The following LYPD2 variants were observed in gnomAD, a reference collection of about 807,000 sequenced individuals.
LYPD2 encodes LY6/PLAUR domain containing 2.
Under a neutral mutation model 7.1 loss-of-function variants are expected in LYPD2, and 5 were observed. The observed-to-expected ratio is 0.70, with a 90% confidence interval of 0.37 to 1.48. The LOEUF (loss-of-function observed/expected upper bound fraction) is 1.48, where lower values mean the gene tolerates loss of function less well. Ranked by LOEUF, LYPD2 falls within the 40% of genes most tolerant of loss-of-function variation. The pLI is 0.03. For missense variants in LYPD2, 177 were observed against 171.0 expected (o/e 1.04, Z -0.20); for synonymous variants, 78 against 82.0 (o/e 0.95, Z 0.26).
intron 2 of LYPD2, 49 bp downstream of exon 2, chr8:142,751,002 G>T: frequency 1.2e-6 from 2 of 1,612,510 alleles, no homozygotes; most frequent in Non-Finnish European, 1.7e-6. Context: ...TGGGCTGGAG[G>T]TGGCTCTGAC....
intron 1 of LYPD2, 38 bp downstream of exon 1, chr8:142,752,356 C>A: frequency 6.2e-7 from 1 of 1,612,124 alleles, no homozygotes; most frequent in South Asian, 1.1e-5. Flanking sequence ...GGTGGCATCT[C>A]CCTCCGTCCC....
chr8:142,752,054 G>A (rs1382254639), intron 1 of LYPD2, among the ~76,000 whole-genome samples: 1 of 151,996 alleles, frequency 6.6e-6, no homozygotes, highest in Non-Finnish European at 1.5e-5. Context: ...AGCCTCCCTG[G>A]GGTTGCCTTC....
In LYPD2 at chr8:142,750,484, T is replaced by C. The variant is rs1233522296; in HGVS notation, c.179-2A>G. Reference sequence around the variant, plus strand: ...TGGAGTCCCCCTGGAAGGGGTACACTGTGGGGTGTGGGAAGAGTCAGCCGT... The same window carrying C: ...TGGAGTCCCCCTGGAAGGGGTACACCGTGGGGTGTGGGAAGAGTCAGCCGT... On this transcript the variant is annotated splice_acceptor_variant, in intron 2 of 2. Transcript: ENST00000359228. LOFTEE classifies it high-confidence loss of function. 3 of 1,574,540 alleles carry C rather than the reference T, an allele frequency of 1.9e-6. No individual in the cohort carries two copies. The highest frequency in any genetic ancestry group is 2.6e-6 in the Non-Finnish European group (3 of 1,159,816).
At chr8:142,750,586 C>A in intron 2 of LYPD2, 104 bp from the exon 3 acceptor site, 2 of 1,124,194 alleles carry the variant, frequency 1.8e-6, no homozygotes, top group Non-Finnish European at 2.6e-6. Flanking sequence ...GGTCACCCAC[C>A]CGGGTCTCCG....
intron 2 of LYPD2, 49 bp from the exon 3 acceptor site, chr8:142,750,531 A>C (rs752022612): frequency 6.5e-7 from 1 of 1,533,786 alleles, no homozygotes; most frequent in South Asian, 1.2e-5. Flanking sequence ...ACTGCCTCCA[A>C]GCCCTGGTCC....
chr8:142,751,208 C>T, intron 1 of LYPD2, 38 bp from the exon 2 acceptor site: 1 of 1,609,682 alleles, frequency 6.2e-7, no homozygotes, highest in South Asian at 1.1e-5. Context: ...GCAGGCTCCA[C>T]CCCTCCCAAG....
In LYPD2 at chr8:142,751,319, G is replaced by T. The variant is rs1490301082; in HGVS notation, c.59-149C>A. 7.0e-6 allele frequency: 8 copies of T among 1,137,436 alleles called. No homozygotes were observed. In the East Asian group the frequency reaches 1.8e-4, roughly 26 times the overall value. 70.5% of individuals were successfully genotyped at this position (1,137,436 alleles called of 1,614,324 possible). ...CCAAAACTCAGGAGCAATGCCAGGA[G>T]CCTGCAGCTGGGGACAGGCCGGGCT... On this transcript the variant is annotated intron_variant, in intron 1 of 2. Coordinates refer to ENST00000359228, the MANE Select transcript of LYPD2 (RefSeq NM_205545.3).
chr8:142,750,408 T>A lies in LYPD2; in HGVS notation c.253A>T (p.Ile85Phe). Residue 85 changes from isoleucine to phenylalanine, a missense_variant, in exon 3 of 3, where the codon ATC becomes TTC. Ile to Phe is a conservative substitution (Grantham distance 21). Transcript: ENST00000359228. Reference protein sequence around the residue: ...SKCKPSDVDGIGQTLPVSCCN... With the variant: ...SKCKPSDVDGFGQTLPVSCCN... The stretch of plus-strand genomic sequence containing the variant: ...CAGGACACGGGCAGGGTCTGGCCGA[T>A]GCCATCCACATCCGAGGGCTTACAC... 6.3e-7 allele frequency: 1 copy of A among 1,585,218 alleles called. No homozygotes were observed. Among genetic ancestry groups the A allele is most frequent in the African/African-American group, 1.3e-5 (1 of 74,460 alleles).
Position 142,750,370 on chromosome 8 carries a change from C to T in LYPD2, c.291G>A (p.Glu97=), listed in dbSNP as rs1291391435. ...QTLPVSCCNT[E]LCNVDGAPAL... is the part of the protein sequence containing the mutation. Reference sequence around the variant, plus strand: ...CGGGCGCCCCGTCTACATTGCACAGCTCAGTATTGCAGCAGGACACGGGCA... The same window carrying T: ...CGGGCGCCCCGTCTACATTGCACAGTTCAGTATTGCAGCAGGACACGGGCA... The change falls in exon 3 of 3, where the codon GAG becomes GAA. Residue 97 remains glutamate (E), a synonymous_variant. Transcript: ENST00000359228. 6.4e-7 allele frequency: 1 copy of T among 1,567,542 alleles called. No individual in the cohort carries two copies. Among genetic ancestry groups the T allele is most frequent in the African/African-American group, 1.4e-5 (1 of 73,794 alleles).
At position 142,750,558 on chromosome 8, in the gene LYPD2, A is replaced by T. The variant is rs1268411697; in HGVS notation, c.179-76T>A. 10 of 1,422,108 alleles carry T rather than the reference A, an allele frequency of 7.0e-6. 1 individual carries two copies. In the Admixed American group the frequency reaches 2.0e-4, roughly 28 times the overall value. The allele number at this position is 1,422,108 out of a possible 1,614,324, so 88.1% of individuals were successfully genotyped here. On this transcript the variant is annotated intron_variant, in intron 2 of 2. Coordinates refer to ENST00000359228, the MANE Select transcript of LYPD2 (RefSeq NM_205545.3). ...CCCTGGTCCCTGCCAGTACCACCTCATGCAGGCCCCACTCTGGGGTCACCC... is the reference window on the plus strand; with the variant it reads ...CCCTGGTCCCTGCCAGTACCACCTCTTGCAGGCCCCACTCTGGGGTCACCC...
chr8:142,752,338 T>C, intron 1 of LYPD2, 56 bp downstream of exon 1: 2 of 1,602,706 alleles, frequency 1.2e-6, no homozygotes, highest in Non-Finnish European at 1.7e-6. Flanking sequence ...ACAGTGTGAA[T>C]GTCAGTGGGT....
intron 2 of LYPD2, among the ~76,000 whole-genome samples, 191 bp from the exon 3 acceptor site, chr8:142,750,673 C>G (rs1213057005): frequency 1.3e-5 from 2 of 152,248 alleles, no homozygotes; most frequent in African/African-American, 4.8e-5. Flanking sequence ...GTGCCAGGCA[C>G]CCGGCCTGAT....
chr8:142,751,191 C>T (rs772255174), intron 1 of LYPD2, 21 bp from the exon 2 acceptor site: 31 of 1,612,326 alleles, frequency 1.9e-5, no homozygotes, highest in Admixed American at 1.7e-4. Context: ...GGGACAAGGG[C>T]GGTCAGGCAG....
chr8:142,752,462 C>T lies in LYPD2; in HGVS notation c.-11G>A. 6.2e-7 allele frequency: 1 copy of T among 1,613,212 alleles called. No homozygotes were observed. The highest frequency in any genetic ancestry group is 8.5e-7 in the Non-Finnish European group (1 of 1,179,692). On this transcript the variant is annotated 5_prime_UTR_variant, in exon 1 of 3. Transcript: ENST00000359228. ...CCGCGTCCCCCGCATGGTCCCGGCC[C>T]ACTCCTCTGTGCTCTCACCCCAGGC...
At chr8:142,750,595 C>T (rs1282186638) in intron 2 of LYPD2, 113 bp from the exon 3 acceptor site, 16 of 1,038,890 alleles carry the variant, frequency 1.5e-5, no homozygotes, top group South Asian at 1.2e-4. Flanking sequence ...CCCGGGTCTC[C>T]GTCCCTCCTG....
Position 142,750,303 on chromosome 8 carries a change from G to A in LYPD2, c.358C>T (p.Leu120Phe), listed in dbSNP as rs142571229. The A allele has an allele frequency of 6.4e-7, 1 of 1,552,572 alleles. No homozygotes were observed. The highest frequency in any genetic ancestry group is 2.0e-5 in the Admixed American group (1 of 51,178). The change falls in exon 3 of 3, where the codon CTC becomes TTC. Residue 120 changes from leucine (L) to phenylalanine (F), a missense_variant. By Grantham distance (22) the Leu-to-Phe change is conservative. Coordinates refer to ENST00000359228, the MANE Select transcript of LYPD2 (RefSeq NM_205545.3). ...GGACTCTACAGTCGGAGGCTCAAGA[G>A]TGGGAGGAGCGTGAGGGCCCCGCAG... ...LHCGALTLLP[L>F]LSLRL
At chr8:142,750,572 C>G (rs1814682122) in intron 2 of LYPD2, 90 bp from the exon 3 acceptor site, 1 of 1,280,526 alleles carries the variant, frequency 7.8e-7, no homozygotes, top group Non-Finnish European at 1.1e-6. Context: ...AGGCCCCACT[C>G]TGGGGTCACC....
At chr8:142,751,257 G>A (rs1005487952) in intron 1 of LYPD2, 87 bp from the exon 2 acceptor site, 8 of 1,553,778 alleles carry the variant, frequency 5.1e-6, no homozygotes, top group East Asian at 2.3e-5. Flanking sequence ...GGTCTGAAGA[G>A]GACAGTGACA....
At chr8:142,751,696 G>T (rs587724097) in intron 1 of LYPD2, among the ~76,000 whole-genome samples, 11 of 152,178 alleles carry the variant, frequency 7.2e-5, no homozygotes, top group Admixed American at 5.9e-4. Flanking sequence ...CAGGGACGGG[G>T]ACCGGAGAGG....
Sources: gnomAD v4.1 joint callset for allele counts (sites outside exome capture counted in the v4.1 genomes callset) on GRCh38, gnomAD v4.1.1 for gene constraint, MANE v1.5 for transcripts, NCBI Gene and HGNC (gene_info 2026-07-23, HGNC 2026-07-21) for gene names.